ADAMTS18: variants seen among roughly 807,000 people sequenced by gnomAD.
ADAMTS18 encodes ADAM metallopeptidase with thrombospondin type 1 motif 18, also known as A disintegrin and metalloproteinase with thrombospondin motifs 18.
ADAMTS18 carries 157 observed loss-of-function variants against 165.9 expected under a neutral mutation model. The ratio of observed to expected loss-of-function variants is 0.95; its 90% CI spans 0.83 to 1.08. The LOEUF (loss-of-function observed/expected upper bound fraction) is 1.08. Ranked by LOEUF, ADAMTS18 falls within the 50% of genes least tolerant of loss-of-function variation. ADAMTS18 has a pLI of 0.00. For synonymous variants in ADAMTS18, 782 were observed against 578.2 expected (o/e 1.35, Z -5.06); for missense variants, 2,040 against 1,534.0 (o/e 1.33, Z -5.51).
At chr16:77,338,738 G>A (rs1381635509) in intron 11 of ADAMTS18, among the ~76,000 whole-genome samples, 2 of 151,898 alleles carry the variant, frequency 1.3e-5, no homozygotes, top group Non-Finnish European at 2.9e-5. Flanking sequence ...TGGATCACAT[G>A]GTCAGGAGAC....
At chr16:77,295,832 G>A (rs867905223) in intron 18 of ADAMTS18, among the ~76,000 whole-genome samples, 7 of 151,728 alleles carry the variant, frequency 4.6e-5, no homozygotes, top group South Asian at 4.2e-4. Flanking sequence ...ATATTTGAAC[G>A]GTTATCAATT....
At chr16:77,400,986 T>A (rs2057324309) in intron 3 of ADAMTS18, among the ~76,000 whole-genome samples, 1 of 152,038 alleles carries the variant, frequency 6.6e-6, no homozygotes. Flanking sequence ...CCAGGCATGG[T>A]GGCTCAGGCC....
chr16:77,326,182 C>G, intron 12 of ADAMTS18, 144 bp from the exon 13 acceptor site: 1 of 803,044 alleles, frequency 1.2e-6, no homozygotes, highest in Non-Finnish European at 2.0e-6. Context: ...AATGGAAGTA[C>G]ATAGCATACA....
chr16:77,407,919 G>A (rs1022319877), intron 3 of ADAMTS18, among the ~76,000 whole-genome samples: 1 of 151,880 alleles, frequency 6.6e-6, no homozygotes, highest in African/African-American at 2.4e-5. Flanking sequence ...TAAATTGCGA[G>A]AAATTAAAAT....
intron 6 of ADAMTS18, among the ~76,000 whole-genome samples, chr16:77,363,045 C>T (rs2056738752): frequency 6.6e-6 from 1 of 152,120 alleles, no homozygotes; most frequent in African/African-American, 2.4e-5. Flanking sequence ...CTGTGTCTTC[C>T]TGCTTTTTAT....
chr16:77,403,738 G>C (rs2057359667), intron 3 of ADAMTS18, among the ~76,000 whole-genome samples: 1 of 152,146 alleles, frequency 6.6e-6, no homozygotes, highest in Non-Finnish European at 1.5e-5. Flanking sequence ...ATATACATCA[G>C]AGATGCTGGG....
At chr16:77,303,460 C>G (rs1355804943) in intron 16 of ADAMTS18, among the ~76,000 whole-genome samples, 2 of 152,168 alleles carry the variant, frequency 1.3e-5, no homozygotes, top group Non-Finnish European at 2.9e-5. Flanking sequence ...AAAATAAAAA[C>G]TTGGAGCCAT....
intron 16 of ADAMTS18, among the ~76,000 whole-genome samples, chr16:77,300,694 A>T (rs938406413): frequency 6.6e-6 from 1 of 152,136 alleles, no homozygotes; most frequent in Non-Finnish European, 1.5e-5. Flanking sequence ...ATACACACAC[A>T]CACTCACACA....
chr16:77,423,220 G>A (rs1032388789), intron 3 of ADAMTS18, among the ~76,000 whole-genome samples: 8 of 152,202 alleles, frequency 5.3e-5, no homozygotes, highest in Non-Finnish European at 1.2e-4. Context: ...TGTTTTAGCT[G>A]AATCTCTTCT....
At chr16:77,339,370 G>C (rs920747744) in intron 11 of ADAMTS18, among the ~76,000 whole-genome samples, 2 of 152,046 alleles carry the variant, frequency 1.3e-5, no homozygotes, top group Non-Finnish European at 2.9e-5. Context: ...ATAACGTGGT[G>C]TGGCAGTTGT....
At chr16:77,366,251 C>T (rs2046226342) in intron 4 of ADAMTS18, among the ~76,000 whole-genome samples, 1 of 152,180 alleles carries the variant, frequency 6.6e-6, no homozygotes, top group African/African-American at 2.4e-5. Context: ...AAAAGCAATA[C>T]TTGATTCAGC....
chr16:77,302,857 G>C (rs1352580476), intron 16 of ADAMTS18, among the ~76,000 whole-genome samples: 1 of 152,058 alleles, frequency 6.6e-6, no homozygotes, highest in Non-Finnish European at 1.5e-5. Flanking sequence ...ATGTTGCTGT[G>C]AACAGCAGGA....
chr16:77,423,060 A>G (rs956657608), intron 3 of ADAMTS18, among the ~76,000 whole-genome samples: 3 of 152,302 alleles, frequency 2.0e-5, no homozygotes, highest in Non-Finnish European at 4.4e-5. Context: ...CCCAGGACCT[A>G]CTGAATGTTC....
At chr16:77,317,450 C>T (rs547911686) in intron 16 of ADAMTS18, among the ~76,000 whole-genome samples, 1 of 152,344 alleles carries the variant, frequency 6.6e-6, no homozygotes, top group African/African-American at 2.4e-5. Flanking sequence ...TCTCCTGCCT[C>T]AGCCTCCCGA....
chr16:77,390,112 C>T (rs1195635741), intron 3 of ADAMTS18, among the ~76,000 whole-genome samples: 1 of 152,062 alleles, frequency 6.6e-6, no homozygotes, highest in Non-Finnish European at 1.5e-5. Context: ...GCTGTGGCTG[C>T]ACTGTGGAGG....
At chr16:77,380,045 G>C (rs2057009902) in intron 3 of ADAMTS18, among the ~76,000 whole-genome samples, 1 of 152,184 alleles carries the variant, frequency 6.6e-6, no homozygotes. Flanking sequence ...CAAAAGTCTT[G>C]CTGCCGAGGT....
intron 3 of ADAMTS18, among the ~76,000 whole-genome samples, chr16:77,402,984 A>G (rs770447535): frequency 7.9e-5 from 12 of 152,202 alleles, no homozygotes; most frequent in Non-Finnish European, 1.3e-4. Context: ...CATTATTAAT[A>G]ATTTTTCACC....
At chr16:77,329,715 T>C (rs945125081) in intron 12 of ADAMTS18, among the ~76,000 whole-genome samples, 28 of 152,154 alleles carry the variant, frequency 1.8e-4, no homozygotes, top group African/African-American at 6.5e-4. Flanking sequence ...TAGCAAGCAT[T>C]TGGCCATTTC....
intron 3 of ADAMTS18, among the ~76,000 whole-genome samples, chr16:77,407,730 C>T (rs2057410944): frequency 6.6e-6 from 1 of 151,962 alleles, no homozygotes; most frequent in South Asian, 2.1e-4. Context: ...AGGTGAATTT[C>T]CAATTGGGAG....
Sources: allele counts gnomAD v4.1 joint callset (sites outside exome capture counted in the v4.1 genomes callset), GRCh38; gene constraint gnomAD v4.1.1; transcripts MANE v1.5; gene names NCBI Gene and HGNC (gene_info 2026-07-23, HGNC 2026-07-21).